The following ABHD5 variants were observed in gnomAD, a reference collection of about 807,000 sequenced individuals.
ABHD5 encodes abhydrolase domain containing 5, lysophosphatidic acid acyltransferase.
Under a neutral mutation model 44.9 loss-of-function variants are expected in ABHD5, and 30 were observed. The ratio of observed to expected loss-of-function variants is 0.67; its 90% CI spans 0.50 to 0.91. The LOEUF is 0.91. Ranked by LOEUF, ABHD5 falls within the 40% of genes least tolerant of loss-of-function variation. ABHD5 has a pLI of 0.00. For synonymous variants in ABHD5, 167 were observed against 147.0 expected, an observed-to-expected ratio of 1.14 and a Z score of -0.99; for missense variants, 399 against 423.4, an observed-to-expected ratio of 0.94 and a Z score of 0.50.
rs2084742510 is a variant in ABHD5, at chr3:43,714,946, G to A, written c.662-1G>A. 2 of 1,607,444 alleles carry A rather than the reference G, an allele frequency of 1.2e-6. No homozygotes were observed. The highest frequency in any genetic ancestry group is 1.7e-6 in the Non-Finnish European group (2 of 1,174,414). ...CATTTTTTAAATTTCCTGTTAAATA[G>A]GTTTAAGTCTAGTGCAGCGTTTAAG... is the stretch of plus-strand genomic sequence containing the variant. On this transcript the variant is annotated splice_acceptor_variant, in intron 4 of 6. Coordinates refer to ENST00000644371, the MANE Select transcript of ABHD5 (RefSeq NM_016006.6). LOFTEE classifies it high-confidence loss of function.
chr3:43,710,062 AG>A (rs1464428664), intron 3 of ABHD5, among the ~76,000 whole-genome samples: 2 of 152,060 alleles, frequency 1.3e-5, no homozygotes, highest in Admixed American at 6.5e-5. Flanking sequence ...AAAAATAAAA[AG>A]GAATTTAGGA....
intron 1 of ABHD5, among the ~76,000 whole-genome samples, chr3:43,693,644 A>G (rs1179712333): frequency 6.6e-6 from 1 of 151,752 alleles, no homozygotes; most frequent in Non-Finnish European, 1.5e-5. Flanking sequence ...TACTGTAATG[A>G]TAGCTACTAC....
upstream of ABHD5, chr3:43,690,925 C>A (rs561357404): frequency 6.0e-6 from 9 of 1,505,436 alleles, no homozygotes; most frequent in African/African-American, 1.3e-4. Flanking sequence ...GCCGCGCCAG[C>A]CCGGGGCGGC....
chr3:43,716,997 C>A (rs567788172), intron 5 of ABHD5, among the ~76,000 whole-genome samples: 2 of 152,074 alleles, frequency 1.3e-5, no homozygotes, highest in East Asian at 3.9e-4. Flanking sequence ...ATGGTGAAAC[C>A]CCGTCTCTAC....
intron 3 of ABHD5, among the ~76,000 whole-genome samples, chr3:43,705,231 T>C (rs138755823): frequency 9.2e-4 from 140 of 152,308 alleles, no homozygotes; most frequent in Middle Eastern, 3.4e-3. Flanking sequence ...TATCAAGAGA[T>C]AAGAGCTGGT....
At chr3:43,699,452 G>C (rs2084513043) in intron 2 of ABHD5, 91 bp downstream of exon 2, 1 of 1,223,684 alleles carries the variant, frequency 8.2e-7, no homozygotes, top group Admixed American at 1.9e-5. Flanking sequence ...AAGATTCTGT[G>C]GTGTGTTCAT....
At chr3:43,693,581 A>G (rs2084429869) in intron 1 of ABHD5, among the ~76,000 whole-genome samples, 1 of 151,900 alleles carries the variant, frequency 6.6e-6, no homozygotes, top group Admixed American at 6.6e-5. Flanking sequence ...CCACATCCCA[A>G]TGGCCTTCTA....
intron 3 of ABHD5, among the ~76,000 whole-genome samples, chr3:43,710,347 GTCTC>G (rs1164961944): frequency 6.6e-6 from 1 of 152,142 alleles, no homozygotes; most frequent in Non-Finnish European, 1.5e-5. Flanking sequence ...TTACTAATAT[GTCTC>G]TCTTATGTTG....
chr3:43,722,833 A>T (rs1399753248), downstream of ABHD5: 1 of 152,230 alleles, frequency 6.6e-6, no homozygotes, highest in East Asian at 1.9e-4. Flanking sequence ...CAAGATTTTC[A>T]GCAGAGGAGA....
chr3:43,705,474 C>T (rs1478061883), intron 3 of ABHD5, among the ~76,000 whole-genome samples: 1 of 152,178 alleles, frequency 6.6e-6, no homozygotes, highest in Non-Finnish European at 1.5e-5. Flanking sequence ...CACGTATATA[C>T]ATAACATACA....
chr3:43,713,640 C>T (rs1424266585), intron 4 of ABHD5, among the ~76,000 whole-genome samples: 1 of 152,190 alleles, frequency 6.6e-6, no homozygotes, highest in African/African-American at 2.4e-5. Flanking sequence ...CCAGTAGAGC[C>T]ACTCCTTACT....
intron 3 of ABHD5, among the ~76,000 whole-genome samples, chr3:43,711,402 A>ATT (rs2084686857): frequency 6.6e-6 from 1 of 152,194 alleles, no homozygotes; most frequent in African/African-American, 2.4e-5. Flanking sequence ...AGTGTAACTT[A>ATT]AATAACAAAT....
chr3:43,704,624 C>G (rs2084592579), intron 3 of ABHD5, among the ~76,000 whole-genome samples: 1 of 152,098 alleles, frequency 6.6e-6, no homozygotes. Context: ...GGTCAGTTGG[C>G]AAGAGTTTCA....
chr3:43,713,017 A>G (rs1299127941), intron 4 of ABHD5, among the ~76,000 whole-genome samples: 4 of 152,086 alleles, frequency 2.6e-5, no homozygotes, highest in African/African-American at 4.8e-5. Context: ...AATTGATACT[A>G]TAGAAAAGAT....
chr3:43,708,660 TCTTAAAACCAAAAATA>T (rs555511206), intron 3 of ABHD5, among the ~76,000 whole-genome samples: 1 of 152,332 alleles, frequency 6.6e-6, no homozygotes, highest in Admixed American at 6.5e-5. Context: ...TATTTAAAAT[TCTTAAAACCAAAAATA>T]AGGAACAATT....
chr3:43,715,150 A>T (rs2084748033), intron 5 of ABHD5, 92 bp downstream of exon 5: 4 of 901,920 alleles, frequency 4.4e-6, no homozygotes, highest in Non-Finnish European at 5.3e-6. Flanking sequence ...TTTTTTTTAA[A>T]ACTATTTATT....
intron 3 of ABHD5, among the ~76,000 whole-genome samples, chr3:43,706,469 CT>C (rs575506141): frequency 3.6e-4 from 52 of 146,112 alleles, no homozygotes; most frequent in Admixed American, 4.1e-4. Context: ...AGAATGTTAC[CT>C]TTTTTTTTTT....
At chr3:43,701,510 T>G (rs1445932878) in intron 2 of ABHD5, among the ~76,000 whole-genome samples, 1 of 152,204 alleles carries the variant, frequency 6.6e-6, no homozygotes, top group African/African-American at 2.4e-5. Flanking sequence ...TAGGCAATTT[T>G]TGGGAGTGTT....
chr3:43,700,762 T>C (rs374098577), intron 2 of ABHD5, among the ~76,000 whole-genome samples: 7 of 152,008 alleles, frequency 4.6e-5, no homozygotes, highest in African/African-American at 1.7e-4. Flanking sequence ...TTAGTAGAGA[T>C]GGGGTTTCGC....
Sources: allele counts gnomAD v4.1 joint callset (sites outside exome capture counted in the v4.1 genomes callset), GRCh38; gene constraint gnomAD v4.1.1; transcripts MANE v1.5; gene names NCBI Gene and HGNC (gene_info 2026-07-23, HGNC 2026-07-21).